Variants in BCKDHB observed in about 807,000 individuals in gnomAD.
BCKDHB encodes 2-oxoisovalerate dehydrogenase subunit beta, mitochondrial.
A neutral mutation model predicts 48.5 loss-of-function variants in BCKDHB; 41 were observed. The observed-to-expected ratio is 0.85, with a 90% confidence interval of 0.66 to 1.10. The LOEUF (loss-of-function observed/expected upper bound fraction) is 1.10. Among genes scored for constraint, BCKDHB ranks in the 50% least tolerant of loss-of-function variants. The pLI, the probability that BCKDHB is intolerant of heterozygous loss-of-function variation, is 0.00. For synonymous variants in BCKDHB, 201 were observed against 174.8 expected, an observed-to-expected ratio of 1.15 and a Z score of -1.18; for missense variants, 496 against 494.2, an observed-to-expected ratio of 1.00 and a Z score of -0.03.
chr6:80,196,605 A>C (rs987102426), intron 6 of BCKDHB, among the ~76,000 whole-genome samples: 1 of 152,214 alleles, frequency 6.6e-6, no homozygotes, highest in African/African-American at 2.4e-5. Flanking sequence ...GTATGCAGCA[A>C]CTATTCAATG....
At chr6:80,216,552 A>T (rs903724307) in intron 8 of BCKDHB, among the ~76,000 whole-genome samples, 1 of 152,056 alleles carries the variant, frequency 6.6e-6, no homozygotes, top group Non-Finnish European at 1.5e-5. Flanking sequence ...GTGTCCTCTT[A>T]TACACTTAAA....
chr6:80,343,858 C>A lies in BCKDHB; in HGVS notation c.*54C>A. The A allele has an allele frequency of 6.3e-7, 1 of 1,594,990 alleles. No homozygotes were observed. Among genetic ancestry groups the A allele is most frequent in the Non-Finnish European group, 8.6e-7 (1 of 1,163,000 alleles). ...AGCTACTATGTGCCCCTGACATTAA[C>A]GTACTGTTAACCAAGACACAGCAAT... On this transcript the variant is annotated 3_prime_UTR_variant, in exon 10 of 10. Coordinates refer to ENST00000320393, the MANE Select transcript of BCKDHB (RefSeq NM_183050.4).
At chr6:80,319,177 T>C (rs1376331797) in intron 9 of BCKDHB, among the ~76,000 whole-genome samples, 1 of 152,226 alleles carries the variant, frequency 6.6e-6, no homozygotes, top group Non-Finnish European at 1.5e-5. Context: ...GAATTTTTTA[T>C]GTGGAAAAGA....
At chr6:80,109,199 G>T (rs919725076) in intron 1 of BCKDHB, among the ~76,000 whole-genome samples, 1 of 151,936 alleles carries the variant, frequency 6.6e-6, no homozygotes, top group Non-Finnish European at 1.5e-5. Context: ...GTAAGCCTCA[G>T]TTTCTTTATA....
chr6:80,390,407 C>T, the BCKDHB span, among the ~76,000 whole-genome samples: 1 of 152,182 alleles, frequency 6.6e-6, no homozygotes, highest in East Asian at 1.9e-4. Flanking sequence ...GTCATCAATA[C>T]CAGCTATGAC....
chr6:80,346,415 T>G (rs1176279484), downstream of BCKDHB: 1 of 152,208 alleles, frequency 6.6e-6, no homozygotes, highest in African/African-American at 2.4e-5. Flanking sequence ...TGTATTTGGT[T>G]CAGTTCTTTA....
At chr6:80,404,788 A>AT in the BCKDHB span, among the ~76,000 whole-genome samples, 14 of 151,058 alleles carry the variant, frequency 9.3e-5, no homozygotes, top group African/African-American at 2.7e-4. Flanking sequence ...ATATTTTTTG[A>AT]TTTTTTCTTT....
chr6:80,241,257 C>T (rs1423358643), intron 8 of BCKDHB, among the ~76,000 whole-genome samples: 7 of 152,286 alleles, frequency 4.6e-5, no homozygotes, highest in East Asian at 3.9e-4. Flanking sequence ...TCTGTCAACT[C>T]GTCAAAGTCA....
chr6:80,354,658 G>A, the BCKDHB span, among the ~76,000 whole-genome samples: 4 of 152,116 alleles, frequency 2.6e-5, no homozygotes, highest in Non-Finnish European at 5.9e-5. Context: ...TTACTATTAC[G>A]TTTTTAATTC....
chr6:80,446,329 C>T, the BCKDHB span, among the ~76,000 whole-genome samples: 253 of 152,318 alleles, frequency 1.7e-3, 1 homozygote, highest in Non-Finnish European at 3.1e-4. Flanking sequence ...CAGCCAGGCA[C>T]GTGGGCATTG....
At chr6:80,260,820 G>A (rs1562183679) in intron 8 of BCKDHB, among the ~76,000 whole-genome samples, 1 of 152,136 alleles carries the variant, frequency 6.6e-6, no homozygotes, top group Non-Finnish European at 1.5e-5. Context: ...GCCTGATTCG[G>A]TGTATAATTT....
intron 9 of BCKDHB, among the ~76,000 whole-genome samples, chr6:80,274,445 T>C (rs958495080): frequency 1.4e-4 from 22 of 152,134 alleles, no homozygotes; most frequent in African/African-American, 5.1e-4. Context: ...TTGTGTATTT[T>C]ATACATTGAG....
chr6:80,248,906 G>A (rs866854389), intron 8 of BCKDHB, among the ~76,000 whole-genome samples: 1 of 136,454 alleles, frequency 7.3e-6, no homozygotes. Context: ...GTGTGTATGT[G>A]TGTGTGTGTG....
At chr6:80,167,483 C>G (rs1772633125) in intron 3 of BCKDHB, among the ~76,000 whole-genome samples, 195 bp from the exon 4 acceptor site, 1 of 151,970 alleles carries the variant, frequency 6.6e-6, no homozygotes, top group Non-Finnish European at 1.5e-5. Flanking sequence ...CTCAAGTAAT[C>G]CTCTTGCCTT....
At chr6:80,382,750 T>C in the BCKDHB span, among the ~76,000 whole-genome samples, 80,105 of 151,940 alleles carry the variant, frequency 0.53, 21,562 homozygotes, top group Non-Finnish European at 0.59. Flanking sequence ...AAAGAACCAA[T>C]GTGCCAATAA....
intron 1 of BCKDHB, among the ~76,000 whole-genome samples, chr6:80,117,967 T>A (rs1312526468): frequency 2.0e-5 from 3 of 152,176 alleles, no homozygotes; most frequent in Non-Finnish European, 4.4e-5. Context: ...AGTACATTTT[T>A]ATTCTGGCTA....
At chr6:80,270,001 TAGAC>T (rs1442566795) in intron 8 of BCKDHB, among the ~76,000 whole-genome samples, 27 of 152,198 alleles carry the variant, frequency 1.8e-4, no homozygotes, top group Admixed American at 2.6e-4. Flanking sequence ...CTAATTAAAA[TAGAC>T]AGAATAGAAA....
the BCKDHB span, among the ~76,000 whole-genome samples, chr6:80,417,887 G>A: frequency 6.6e-6 from 1 of 152,098 alleles, no homozygotes; most frequent in Non-Finnish European, 1.5e-5. Flanking sequence ...ACTCTAGCTA[G>A]GTTGGGAAAA....
At chr6:80,405,687 G>C in the BCKDHB span, among the ~76,000 whole-genome samples, 4 of 151,458 alleles carry the variant, frequency 2.6e-5, no homozygotes, top group Admixed American at 1.3e-4. Context: ...TTTATTTTTT[G>C]TGTGTCTACT....
Sources: allele counts gnomAD v4.1 joint callset (sites outside exome capture counted in the v4.1 genomes callset), GRCh38; gene constraint gnomAD v4.1.1; transcripts MANE v1.5; gene names NCBI Gene and HGNC (gene_info 2026-07-23, HGNC 2026-07-21).